WWOX: variants seen among roughly 807,000 people sequenced by gnomAD.
The protein encoded by WWOX is WW domain-containing oxidoreductase.
A neutral mutation model predicts 46.2 loss-of-function variants in WWOX; 69 were observed. That is an observed-to-expected ratio of 1.49 (90% CI 1.23 to 1.82). The LOEUF is 1.82. Ranked by LOEUF, WWOX falls within the 40% of genes most tolerant of loss-of-function variation. WWOX has a pLI of 0.00. For missense variants in WWOX, 919 were observed against 542.6 expected (o/e 1.69, Z -6.89); for synonymous variants, 359 against 202.6 (o/e 1.77, Z -6.56).
chr16:78,496,905 G>C (rs1057019924), intron 8 of WWOX, among the ~76,000 whole-genome samples: 1 of 152,206 alleles, frequency 6.6e-6, no homozygotes, highest in African/African-American at 2.4e-5. Context: ...AGATGGCCTT[G>C]CTCATTGATT....
chr16:78,430,292 TG>T, intron 7 of WWOX, among the ~76,000 whole-genome samples: 1 of 152,230 alleles, frequency 6.6e-6, no homozygotes, highest in South Asian at 2.1e-4. Flanking sequence ...CCTTGACACA[TG>T]GGGGTTATTA....
At chr16:78,633,290 G>C (rs2046484935) in intron 8 of WWOX, among the ~76,000 whole-genome samples, 1 of 152,128 alleles carries the variant, frequency 6.6e-6, no homozygotes, top group South Asian at 2.1e-4. Context: ...AAAACAAGAA[G>C]TTAAGGATTG....
intron 8 of WWOX, among the ~76,000 whole-genome samples, chr16:78,936,852 C>T (rs1247858965): frequency 6.6e-6 from 1 of 152,168 alleles, no homozygotes; most frequent in East Asian, 1.9e-4. Context: ...TTCCAGGCTT[C>T]TGTAACTCTT....
chr16:79,134,647 A>T (rs2049948380), intron 8 of WWOX, among the ~76,000 whole-genome samples: 1 of 152,190 alleles, frequency 6.6e-6, no homozygotes, highest in African/African-American at 2.4e-5. Flanking sequence ...ACACAGAAAC[A>T]TATACACATT....
intron 8 of WWOX, among the ~76,000 whole-genome samples, chr16:78,522,274 A>G (rs946052540): frequency 1.3e-5 from 2 of 152,226 alleles, no homozygotes; most frequent in Non-Finnish European, 2.9e-5. Flanking sequence ...GGATTAAAAA[A>G]AAAAACTAGT....
intron 8 of WWOX, among the ~76,000 whole-genome samples, chr16:78,613,627 A>G (rs1030370417): frequency 1.3e-5 from 2 of 152,078 alleles, no homozygotes; most frequent in Non-Finnish European, 2.9e-5. Flanking sequence ...AATCACCACT[A>G]CTGTTGTTGT....
chr16:79,037,946 C>A (rs1393992930), intron 8 of WWOX, among the ~76,000 whole-genome samples: 1 of 152,058 alleles, frequency 6.6e-6, no homozygotes, highest in African/African-American at 2.4e-5. Context: ...ACTCGCATTT[C>A]TTTTCTGGTT....
chr16:78,542,360 A>C (rs2043919253), intron 8 of WWOX, among the ~76,000 whole-genome samples: 2 of 152,106 alleles, frequency 1.3e-5, no homozygotes, highest in Non-Finnish European at 2.9e-5. Context: ...GTAGAATCTG[A>C]AAATTAGGAG....
intron 5 of WWOX, chr16:78,281,058 AT>A (rs1195582060): frequency 1.3e-5 from 2 of 152,242 alleles, no homozygotes; most frequent in African/African-American, 4.8e-5. Flanking sequence ...AAATAGAACG[AT>A]ATCCTTCGTT....
At chr16:78,825,966 C>T (rs1351123806) in intron 8 of WWOX, 12 of 789,556 alleles carry the variant, frequency 1.5e-5, no homozygotes, top group Non-Finnish European at 1.6e-5. Flanking sequence ...GGTGGGAAGC[C>T]AGAGCCGCCT....
intron 8 of WWOX, among the ~76,000 whole-genome samples, chr16:78,599,618 A>T (rs752389064): frequency 6.6e-6 from 1 of 152,060 alleles, no homozygotes; most frequent in Non-Finnish European, 1.5e-5. Context: ...ATGCAGCAAA[A>T]CCCAGGCCTG....
chr16:78,102,866 A>G (rs1485152579), intron 1 of WWOX, among the ~76,000 whole-genome samples: 1 of 152,034 alleles, frequency 6.6e-6, no homozygotes, highest in Non-Finnish European at 1.5e-5. Flanking sequence ...TGGGAGGGTC[A>G]GCCGCAGGCT....
intron 7 of WWOX, among the ~76,000 whole-genome samples, chr16:78,428,619 T>G (rs2083142932): frequency 6.6e-6 from 1 of 152,232 alleles, no homozygotes; most frequent in Admixed American, 6.5e-5. Flanking sequence ...GAAATGACTT[T>G]CTCCTCTTAG....
intron 5 of WWOX, among the ~76,000 whole-genome samples, chr16:78,185,519 A>G (rs2035669482): frequency 1.3e-5 from 2 of 151,600 alleles, no homozygotes; most frequent in African/African-American, 2.4e-5. Flanking sequence ...GTTTACATGT[A>G]GAAGCTCATT....
intron 8 of WWOX, among the ~76,000 whole-genome samples, chr16:78,919,673 A>G (rs1225296188): frequency 1.3e-5 from 2 of 151,508 alleles, no homozygotes; most frequent in African/African-American, 4.9e-5. Flanking sequence ...ACACACCACC[A>G]CACCTGGCTA....
intron 8 of WWOX, among the ~76,000 whole-genome samples, chr16:79,038,985 A>G (rs961618120): frequency 3.3e-5 from 5 of 152,156 alleles, no homozygotes; most frequent in African/African-American, 9.7e-5. Context: ...TTTCAAAGCT[A>G]ATGTCTGCCA....
intron 8 of WWOX, among the ~76,000 whole-genome samples, chr16:78,609,614 G>T (rs1333805715): frequency 6.6e-6 from 1 of 151,304 alleles, no homozygotes; most frequent in East Asian, 1.9e-4. Context: ...TCACCAGGCA[G>T]GCTCTTGGGG....
At chr16:78,337,072 C>T (rs1395074864) in intron 5 of WWOX, among the ~76,000 whole-genome samples, 2 of 152,152 alleles carry the variant, frequency 1.3e-5, no homozygotes, top group Non-Finnish European at 2.9e-5. Context: ...TCAGCTAGTG[C>T]ACCTGACCCT....
intron 5 of WWOX, among the ~76,000 whole-genome samples, chr16:78,357,116 CAG>C (rs2066001755): frequency 6.6e-6 from 1 of 152,140 alleles, no homozygotes; most frequent in Admixed American, 6.5e-5. Flanking sequence ...CTTCCTTTCT[CAG>C]AGCCTTCGTG....
Sources: gnomAD v4.1 joint callset for allele counts (sites outside exome capture counted in the v4.1 genomes callset) on GRCh38, gnomAD v4.1.1 for gene constraint, MANE v1.5 for transcripts, NCBI Gene and HGNC (gene_info 2026-07-23, HGNC 2026-07-21) for gene names.